Variants in ECT2 observed in about 807,000 individuals in gnomAD.
ECT2 encodes protein ECT2.
In ECT2, 61 loss-of-function variants were observed where a neutral mutation model predicts 116.9. The observed-to-expected ratio is 0.52, with a 90% CI of 0.42 to 0.65. The LOEUF is 0.65. Ranked by LOEUF, ECT2 falls within the 30% of genes least tolerant of loss-of-function variation. ECT2 has a pLI of 0.00. For synonymous variants in ECT2, 358 were observed against 346.4 expected (o/e 1.03, Z -0.37); for missense variants, 937 against 1,078.7 (o/e 0.87, Z 1.84).
chr3:172,757,037 G>T lies in ECT2; in HGVS notation c.358G>T (p.Asp120Tyr), dbSNP rs775267631. ...MESVEEFEGLDSPEFENVFVV... is the reference protein window; with the variant it reads ...MESVEEFEGLYSPEFENVFVV... ...GTCAGTGGAAGAATTTGAAGGTTTG[G>T]ATTCTCCGGAATTTGAAAATGTATT... Residue 120 changes from aspartate (D) to tyrosine (Y), a missense_variant, in exon 5 of 25, where the codon GAT becomes TAT. Physicochemically the swap from Asp to Tyr is radical, Grantham distance 160. Coordinates refer to ENST00000392692, the MANE Select transcript of ECT2 (RefSeq NM_001258315.2). 1 of 1,611,808 alleles carries T rather than the reference G, an allele frequency of 6.2e-7. No homozygotes were observed. Among genetic ancestry groups the T allele is most frequent in the Non-Finnish European group, 8.5e-7 (1 of 1,179,232 alleles).
At chr3:172,822,652 A>G (rs918861754), downstream of ECT2, among the ~76,000 whole-genome samples, 3 of 152,036 alleles carry the variant, frequency 2.0e-5, no homozygotes, top group Non-Finnish European at 2.9e-5. Flanking sequence ...ACTGGAAATA[A>G]TAGATCAATC....
Position 172,813,172 on chromosome 3 carries a change from C to T in ECT2, c.2401-2432C>T, listed in dbSNP as rs559372162. On this transcript the variant is annotated intron_variant, in intron 22 of 24. Transcript: ENST00000392692. ...AAATAAAATATAAATGCATAAGTAT[C>T]AAGAGTTTTCCTTTATGCTGGCAGT... is the stretch of plus-strand genomic sequence containing the variant. Among the ~76,000 whole-genome samples, 11 of 152,104 alleles carry T rather than the reference C, an allele frequency of 7.2e-5. No individual in the cohort carries two copies. The East Asian group carries it at 2.1e-3, about 29-fold the overall frequency.
chr3:172,773,935 A>G lies in ECT2; in HGVS notation c.1461A>G (p.Gln487=). The change falls in exon 14 of 25, where the codon CAA becomes CAG. Residue 487 remains glutamine, a synonymous_variant. Coordinates refer to ENST00000392692, the MANE Select transcript of ECT2 (RefSeq NM_001258315.2). The part of the protein sequence containing the change: ...LFQVPLEEEG[Q]RGGPILAPEE... ...AAGTACCATTGGAAGAGGAAGGACA[A>G]CGTGGTGGACCTATCCTTGCACCAG... The G allele has an allele frequency of 6.2e-7, 1 of 1,613,470 alleles. No homozygotes were observed. Among genetic ancestry groups the G allele is most frequent in the Non-Finnish European group, 8.5e-7 (1 of 1,179,436 alleles).
At chr3:172,822,315 A>G (rs186470095), downstream of ECT2, among the ~76,000 whole-genome samples, 63 of 152,132 alleles carry the variant, frequency 4.1e-4, 2 homozygotes, top group Admixed American at 7.2e-4. Flanking sequence ...TACTACATTT[A>G]GAGTGCATGT....
chr3:172,782,064 T>G lies in ECT2; in HGVS notation c.1549-99T>G, dbSNP rs922002778. Reference sequence around the variant, plus strand: ...TTTTACACATCAAATTAAGACACTTTGTAAAGTGCTTCTTTCCAATGAGTA... The same window carrying G: ...TTTTACACATCAAATTAAGACACTTGGTAAAGTGCTTCTTTCCAATGAGTA... On this transcript the variant is annotated intron_variant, in intron 14 of 24. Coordinates refer to ENST00000392692, the MANE Select transcript of ECT2 (RefSeq NM_001258315.2). The G allele has an allele frequency of 6.9e-6, 4 of 576,106 alleles. No individual in the cohort carries two copies. The South Asian group carries it at 1.3e-4, about 19-fold the overall frequency. The allele number at this position is 576,106 out of a possible 1,614,324, so 35.7% of individuals were successfully genotyped here. A position where few individuals can be genotyped will look rare whatever the true frequency, so the allele number is the denominator to read the frequency against.
intron 13 of ECT2, 112 bp downstream of exon 13, chr3:172,769,255 G>A: frequency 9.3e-7 from 1 of 1,070,246 alleles, no homozygotes; most frequent in East Asian, 2.7e-5. Flanking sequence ...ATTTGAACAT[G>A]GATGTTAAAA....
chr3:172,803,785 T>G (rs1339353037), intron 20 of ECT2, among the ~76,000 whole-genome samples: 1 of 151,774 alleles, frequency 6.6e-6, no homozygotes, highest in African/African-American at 2.4e-5. Context: ...TCTTTCTCTG[T>G]TTCTGTTTCT....
intron 14 of ECT2, among the ~76,000 whole-genome samples, chr3:172,779,579 A>G (rs565305075): frequency 9.8e-4 from 150 of 152,310 alleles, no homozygotes; most frequent in African/African-American, 3.5e-3. Flanking sequence ...ACTGAGGTAC[A>G]TCTTACGTGT....
intron 20 of ECT2, 70 bp from the exon 21 acceptor site, chr3:172,805,659 ATT>A: frequency 7.0e-7 from 1 of 1,427,636 alleles, no homozygotes; most frequent in Non-Finnish European, 9.6e-7. Context: ...GATTAGTGCT[ATT>A]TTATTTTTTA....
rs537434558 is a variant in ECT2 at position 172,785,802 on chromosome 3, T to A, written c.1826-691T>A. 3.3e-5 allele frequency among the ~76,000 whole-genome samples: 5 copies of A among 152,350 alleles called. No individual in the cohort carries two copies. In the South Asian group the frequency reaches 1.0e-3, roughly 32 times the overall value. The stretch of plus-strand genomic sequence containing the variant: ...ATTTAAAACTGTTCTGTTTTGCAAA[T>A]TATAAGGAGAATATATGAACAAACT... On this transcript the variant is annotated intron_variant, in intron 17 of 24. Transcript: ENST00000392692.
At chr3:172,783,430 G>C (rs368075852) in intron 15 of ECT2, among the ~76,000 whole-genome samples, 1 of 151,840 alleles carries the variant, frequency 6.6e-6, no homozygotes, top group East Asian at 1.9e-4. Context: ...TTTTAATGGC[G>C]GTTTGGATTT....
At chr3:172,758,912 C>A in intron 5 of ECT2, 68 bp from the exon 6 acceptor site, 1 of 1,292,596 alleles carries the variant, frequency 7.7e-7, no homozygotes, top group Non-Finnish European at 1.1e-6. Flanking sequence ...ATATATTTAG[C>A]TTGAGAAAGT....
chr3:172,782,475 A>G (rs528129034), intron 15 of ECT2, among the ~76,000 whole-genome samples: 1 of 152,202 alleles, frequency 6.6e-6, no homozygotes, highest in African/African-American at 2.4e-5. Context: ...TAATTGTTTT[A>G]GTATGTATCA....
chr3:172,771,457 T>C (rs1720618621), intron 13 of ECT2: 1 of 152,182 alleles, frequency 6.6e-6, no homozygotes, highest in South Asian at 2.1e-4. Flanking sequence ...AGGATATAGA[T>C]GAGAAGTGTC....
chr3:172,813,906 G>GA (rs5854486), intron 22 of ECT2, among the ~76,000 whole-genome samples: 88,059 of 151,806 alleles, frequency 0.58, 26,290 homozygotes, highest in East Asian at 0.86. Context: ...TTGTTATGAA[G>GA]AACATTTTAT....
At chr3:172,776,191 G>GTTTTTT (rs1294531373) in intron 14 of ECT2, among the ~76,000 whole-genome samples, 8 of 106,980 alleles carry the variant, frequency 7.5e-5, no homozygotes, top group African/African-American at 2.8e-4. Context: ...TAGTTTTTCA[G>GTTTTTT]TTTTTTCTTT....
chr3:172,760,712 CTTTTTTTTTTTT>C (rs60727631), intron 7 of ECT2, among the ~76,000 whole-genome samples: 3 of 76,192 alleles, frequency 3.9e-5, no homozygotes, highest in African/African-American at 2.0e-4. Flanking sequence ...GTCTAAGTGC[CTTTTTTTTTTTT>C]TTTTTTTTTT....
intron 14 of ECT2, among the ~76,000 whole-genome samples, chr3:172,779,736 T>C (rs1016064654): frequency 4.6e-5 from 7 of 151,972 alleles, no homozygotes; most frequent in Non-Finnish European, 8.8e-5. Context: ...TGAGAACCCA[T>C]TTTTGCAAAA....
chr3:172,824,676 C>A (rs562122982), downstream of ECT2, among the ~76,000 whole-genome samples: 1 of 152,182 alleles, frequency 6.6e-6, no homozygotes, highest in Non-Finnish European at 1.5e-5. Context: ...TTTATCACTT[C>A]AAAATATATT....
Sources: allele counts gnomAD v4.1 joint callset (sites outside exome capture counted in the v4.1 genomes callset), GRCh38; gene constraint gnomAD v4.1.1; transcripts MANE v1.5; gene names NCBI Gene and HGNC (gene_info 2026-07-23, HGNC 2026-07-21).